Variants in SPHKAP observed in about 807,000 individuals in gnomAD.
The protein encoded by SPHKAP is A-kinase anchor protein SPHKAP.
SPHKAP carries 67 observed loss-of-function variants against 137.5 expected under a neutral mutation model. The observed-to-expected ratio is 0.49, with a 90% CI of 0.40 to 0.60. The LOEUF (loss-of-function observed/expected upper bound fraction) is 0.60. SPHKAP is among the 20% of genes least tolerant of loss of function. The pLI is 0.00. For missense variants in SPHKAP, 2,097 were observed against 2,069.3 expected, an observed-to-expected ratio of 1.01 and a Z score of -0.26; for synonymous variants, 813 against 785.3, an observed-to-expected ratio of 1.04 and a Z score of -0.59.
chr2:228,015,863 AATG>A (rs979082745), intron 7 of SPHKAP, among the ~76,000 whole-genome samples: 1 of 152,152 alleles, frequency 6.6e-6, no homozygotes, highest in African/African-American at 2.4e-5. Context: ...AGGAGAGAAA[AATG>A]ATGCCAAAAT....
chr2:227,988,028 C>T (rs762295169), intron 11 of SPHKAP, among the ~76,000 whole-genome samples: 1 of 152,274 alleles, frequency 6.6e-6, no homozygotes, highest in East Asian at 1.9e-4. Context: ...CTGCTGTTCT[C>T]GTATGACACA....
At position 228,022,750 on chromosome 2, in the gene SPHKAP, C is replaced by A. The variant is rs1694888757; in HGVS notation, c.442-784G>T. The stretch of plus-strand genomic sequence containing the variant: ...GGAGCCTGTCTAAATTTTGGTCAAG[C>A]TGAAGGGAATGTCAACGCTGTCTTG... On this transcript the variant is annotated intron_variant, in intron 5 of 11. Transcript: ENST00000392056. Among the ~76,000 whole-genome samples the A allele has an allele frequency of 2.0e-5, 3 of 152,082 alleles. No individual in the cohort carries two copies. In the South Asian group the frequency reaches 6.2e-4, roughly 31 times the overall value.
chr2:228,023,696 T>G (rs1025039008), intron 5 of SPHKAP, among the ~76,000 whole-genome samples: 5 of 152,026 alleles, frequency 3.3e-5, no homozygotes, highest in Non-Finnish European at 7.4e-5. Flanking sequence ...TGCAAGGAGG[T>G]GCAAAAATGA....
intron 3 of SPHKAP, among the ~76,000 whole-genome samples, chr2:228,039,664 G>A (rs935065552): frequency 6.6e-6 from 1 of 152,138 alleles, no homozygotes; most frequent in Non-Finnish European, 1.5e-5. Flanking sequence ...TCATTTTTAA[G>A]TGAATTGTAA....
Position 228,092,286 on chromosome 2 carries a change from T to C in SPHKAP, c.246+16546A>G, listed in dbSNP as rs564485434. On this transcript the variant is annotated intron_variant, in intron 3 of 11. Coordinates refer to ENST00000392056, the MANE Select transcript of SPHKAP (RefSeq NM_001142644.2). ...ACGTACACACACACGTGTATGTGCG[T>C]GTATACGTGCACACACACGTGTATG... Among the ~76,000 whole-genome samples, 9 of 144,258 alleles carry C rather than the reference T, an allele frequency of 6.2e-5. No homozygotes were observed. The South Asian group carries it at 1.9e-3, about 30-fold the overall frequency. The allele number at this position is 144,258 out of a possible 152,430, so 94.6% of individuals were successfully genotyped here. A position where few individuals can be genotyped will look rare whatever the true frequency, so the allele number is the denominator to read the frequency against.
intron 3 of SPHKAP, among the ~76,000 whole-genome samples, chr2:228,047,466 C>CAAAAAAA (rs1229956684): frequency 1.0e-5 from 1 of 99,390 alleles, no homozygotes; most frequent in Non-Finnish European, 2.0e-5. Flanking sequence ...AACTCCATCT[C>CAAAAAAA]AAAAAAAAAA....
chr2:228,083,256 C>T (rs1390223793), intron 3 of SPHKAP, among the ~76,000 whole-genome samples: 1 of 152,224 alleles, frequency 6.6e-6, no homozygotes, highest in Non-Finnish European at 1.5e-5. Context: ...TGTCTTGTCA[C>T]CTTAAGAAAT....
chr2:228,107,418 G>A (rs1183816596), intron 3 of SPHKAP, among the ~76,000 whole-genome samples: 1 of 152,120 alleles, frequency 6.6e-6, no homozygotes, highest in Non-Finnish European at 1.5e-5. Flanking sequence ...ATTTTAGAAG[G>A]ATTAGGGAGA....
intron 3 of SPHKAP, among the ~76,000 whole-genome samples, chr2:228,045,602 A>T (rs369540246): frequency 6.6e-6 from 1 of 151,812 alleles, no homozygotes; most frequent in Non-Finnish European, 1.5e-5. Context: ...CTGTTGCGGG[A>T]TTGGGGGAGC....
In SPHKAP at chr2:228,030,237, C is replaced by T. The variant is rs114797842; in HGVS notation, c.247-2694G>A. On this transcript the variant is annotated intron_variant, in intron 3 of 11. Transcript: ENST00000392056. ...CTTCTTTAAGAAATGGAATAACGGC[C>T]GCGTACGGTGGCTCACGCCTGTAAT... is the stretch of plus-strand genomic sequence containing the variant. Among the ~76,000 whole-genome samples the T allele has an allele frequency of 6.9e-3, 1,054 of 151,980 alleles. 14 individuals are homozygous for T. The highest frequency in any genetic ancestry group is 0.023 in the African/African-American group (945 of 41,374).
intron 11 of SPHKAP, among the ~76,000 whole-genome samples, chr2:227,984,685 G>A (rs1258158084): frequency 2.0e-5 from 3 of 152,282 alleles, no homozygotes; most frequent in Admixed American, 6.5e-5. Context: ...CCACTAAGCA[G>A]GCTTTTCCTC....
intron 1 of SPHKAP, among the ~76,000 whole-genome samples, chr2:228,161,909 T>A (rs1450839043): frequency 1.3e-5 from 2 of 152,192 alleles, no homozygotes; most frequent in Non-Finnish European, 2.9e-5. Context: ...AGTACTATAT[T>A]CAGAAATATT....
Position 228,018,542 on chromosome 2 carries a change from C to T in SPHKAP, c.2312G>A (p.Ser771Asn). 1 of 1,613,932 alleles carries T rather than the reference C, an allele frequency of 6.2e-7. No homozygotes were observed. The highest frequency in any genetic ancestry group is 8.5e-7 in the Non-Finnish European group (1 of 1,179,884). The change falls in exon 7 of 12, where the codon AGC (serine) becomes AAC (asparagine). Residue 771 changes from serine to asparagine, a missense_variant. Physicochemically the swap from Ser to Asn is conservative, Grantham distance 46. Transcript: ENST00000392056. ...AWTKATESSSSSPLSNSHNTS... is the reference protein window; with the variant it reads ...AWTKATESSSNSPLSNSHNTS... ...GTTGTGTGAATTGCTAAGTGGAGAG[C>T]TGCTGGAGGATTCAGTGGCTTTTGT...
At chr2:228,071,403 C>A (rs1366085915) in intron 3 of SPHKAP, among the ~76,000 whole-genome samples, 2 of 152,194 alleles carry the variant, frequency 1.3e-5, no homozygotes, top group African/African-American at 2.4e-5. Flanking sequence ...GGAACTGCAT[C>A]TTCTGTTATC....
At chr2:228,042,979 T>G (rs1695907914) in intron 3 of SPHKAP, among the ~76,000 whole-genome samples, 1 of 152,182 alleles carries the variant, frequency 6.6e-6, no homozygotes, top group Admixed American at 6.5e-5. Context: ...AGGGAATGAT[T>G]GCAAGAGATG....
At chr2:228,023,089 C>A (rs780012215) in intron 5 of SPHKAP, among the ~76,000 whole-genome samples, 4 of 152,188 alleles carry the variant, frequency 2.6e-5, no homozygotes, top group Non-Finnish European at 4.4e-5. Context: ...GGGTTACAAA[C>A]CATATCCTCA....
In SPHKAP at chr2:227,993,570, A is replaced by G. The variant is rs1323886712; in HGVS notation, c.4685T>C (p.Ile1562Thr). The change falls in exon 9 of 12, where the codon ATT becomes ACT. Residue 1562 changes from isoleucine to threonine, a missense_variant. By Grantham distance (89) the Ile-to-Thr change is moderately conservative (BLOSUM62 -1). Coordinates refer to ENST00000392056, the MANE Select transcript of SPHKAP (RefSeq NM_001142644.2). The stretch of plus-strand genomic sequence containing the variant: ...AGAAGATGGCATGCTTTCCTGATAA[A>G]TGTCCAGATCCATAATGCCAAGACT... ...TSSLGIMDLD[I>T]YQESMPSSPM... The G allele has an allele frequency of 6.2e-7, 1 of 1,604,978 alleles. No individual in the cohort carries two copies. Among genetic ancestry groups the G allele is most frequent in the Admixed American group, 1.7e-5 (1 of 58,878 alleles).
chr2:228,044,555 G>T (rs1388021013), intron 3 of SPHKAP, among the ~76,000 whole-genome samples: 5 of 152,086 alleles, frequency 3.3e-5, no homozygotes, highest in Non-Finnish European at 7.4e-5. Context: ...CTAACAGACT[G>T]CCAAGTGTTG....
At chr2:228,001,196 T>A (rs1693842808) in intron 7 of SPHKAP, among the ~76,000 whole-genome samples, 1 of 149,516 alleles carries the variant, frequency 6.7e-6, no homozygotes, top group South Asian at 2.1e-4. Context: ...GAAGTGTCTC[T>A]TCAGGCCTTT....
Sources: gnomAD v4.1 joint callset for allele counts (sites outside exome capture counted in the v4.1 genomes callset) on GRCh38, gnomAD v4.1.1 for gene constraint, MANE v1.5 for transcripts, NCBI Gene and HGNC (gene_info 2026-07-23, HGNC 2026-07-21) for gene names.